Variants in FERMT2 observed in about 807,000 individuals in gnomAD.
FERMT2 encodes fermitin family homolog 2.
A neutral mutation model predicts 82.7 loss-of-function variants in FERMT2; 15 were observed. The observed-to-expected ratio is 0.18, with a 90% CI of 0.12 to 0.28. The LOEUF is 0.28. Among genes scored for constraint, FERMT2 ranks in the 10% least tolerant of loss-of-function variants. FERMT2 has a pLI of 1.00. For synonymous variants in FERMT2, 274 were observed against 271.5 expected, an observed-to-expected ratio of 1.01 and a Z score of -0.09; for missense variants, 645 against 809.4, an observed-to-expected ratio of 0.80 and a Z score of 2.46.
chr14:52,889,139 A>G (rs887642712), intron 4 of FERMT2, among the ~76,000 whole-genome samples: 2 of 152,184 alleles, frequency 1.3e-5, no homozygotes, highest in African/African-American at 4.8e-5. Flanking sequence ...CATGCTACCA[A>G]TTTTTCAGAA....
At chr14:52,942,052 C>CT (rs1299263361) in intron 2 of FERMT2, among the ~76,000 whole-genome samples, 1 of 151,844 alleles carries the variant, frequency 6.6e-6, no homozygotes, top group Non-Finnish European at 1.5e-5. Context: ...CTAAACTAAG[C>CT]TTTTTTTGAG....
intron 3 of FERMT2, among the ~76,000 whole-genome samples, chr14:52,913,285 A>G (rs1888427239): frequency 6.6e-6 from 1 of 152,222 alleles, no homozygotes; most frequent in Non-Finnish European, 1.5e-5. Context: ...TAAATTTCTA[A>G]CATTGCAAAC....
chr14:52,892,048 T>C (rs1886959515), intron 4 of FERMT2, among the ~76,000 whole-genome samples: 1 of 151,770 alleles, frequency 6.6e-6, no homozygotes, highest in East Asian at 1.9e-4. Context: ...CTAATTCAGA[T>C]TGGAAAAGTA....
intron 3 of FERMT2, among the ~76,000 whole-genome samples, chr14:52,897,640 T>G (rs375601687): frequency 3.9e-5 from 6 of 152,056 alleles, no homozygotes; most frequent in African/African-American, 1.4e-4. Flanking sequence ...AATAAGTATG[T>G]GGGTTTTGGT....
At chr14:52,860,578 A>G in intron 12 of FERMT2, 113 bp from the exon 13 acceptor site, 1 of 853,566 alleles carries the variant, frequency 1.2e-6, no homozygotes, top group Non-Finnish European at 1.8e-6. Flanking sequence ...ATCATATTGT[A>G]AGAGTTGAAA....
intron 7 of FERMT2, 31 bp downstream of exon 7, chr14:52,878,551 A>C: frequency 7.5e-7 from 1 of 1,337,624 alleles, no homozygotes; most frequent in African/African-American, 1.4e-5. Flanking sequence ...CTTTACCGGA[A>C]TAAGTCCCAT....
intron 12 of FERMT2, among the ~76,000 whole-genome samples, chr14:52,864,036 A>T (rs543034010): frequency 1.3e-5 from 2 of 152,134 alleles, no homozygotes; most frequent in Non-Finnish European, 2.9e-5. Flanking sequence ...AAACTGACTA[A>T]AGGTTACTTT....
In FERMT2 at chr14:52,858,253, G is replaced by C; in HGVS notation, c.*124C>G. The C allele has an allele frequency of 1.2e-6, 1 of 800,398 alleles. No homozygotes were observed. The highest frequency in any genetic ancestry group is 1.7e-5 in the South Asian group (1 of 57,152). 49.6% of individuals were successfully genotyped at this position (800,398 alleles called of 1,614,324 possible). ...GTGCACATATTAACTGGTCTGGTAAGGCAAAGAAGTTTTCATGATAAAATG... is the reference window on the plus strand; with the variant it reads ...GTGCACATATTAACTGGTCTGGTAACGCAAAGAAGTTTTCATGATAAAATG... On this transcript the variant is annotated 3_prime_UTR_variant, in exon 15 of 15. Coordinates refer to ENST00000341590, the MANE Select transcript of FERMT2 (RefSeq NM_006832.3).
chr14:52,910,529 T>C (rs1413747862), intron 3 of FERMT2, among the ~76,000 whole-genome samples: 1 of 152,180 alleles, frequency 6.6e-6, no homozygotes, highest in Non-Finnish European at 1.5e-5. Flanking sequence ...GACAACAGTC[T>C]TTCTGTCCAA....
intron 2 of FERMT2, among the ~76,000 whole-genome samples, chr14:52,937,678 G>T (rs937292716): frequency 6.6e-6 from 1 of 152,172 alleles, no homozygotes; most frequent in Non-Finnish European, 1.5e-5. Flanking sequence ...GTTTGTTGCT[G>T]CTACTACAGT....
chr14:52,906,082 TTA>T (rs1162719891), intron 3 of FERMT2, among the ~76,000 whole-genome samples: 1 of 152,186 alleles, frequency 6.6e-6, no homozygotes, highest in Non-Finnish European at 1.5e-5. Context: ...GTGCACCAGC[TTA>T]CTGCCTATGG....
At chr14:52,858,591 T>G (rs1161384045) in intron 14 of FERMT2, 41 bp from the exon 15 acceptor site, 3 of 1,597,794 alleles carry the variant, frequency 1.9e-6, no homozygotes, top group East Asian at 4.5e-5. Context: ...TCCCAAATGC[T>G]AGGTGGCTGG....
chr14:52,872,545 A>G (rs1049075264), intron 10 of FERMT2, among the ~76,000 whole-genome samples: 2 of 152,174 alleles, frequency 1.3e-5, no homozygotes, highest in African/African-American at 4.8e-5. Context: ...AAAAACAAAA[A>G]AGAAAAGTTG....
rs1295397224 is a variant in FERMT2 at position 52,872,788 on chromosome 14, GCT to G, written c.1273+9_1273+10del. The G allele has an allele frequency of 6.2e-7, 1 of 1,613,122 alleles. No homozygotes were observed. The highest frequency in any genetic ancestry group is 1.1e-5 in the South Asian group (1 of 90,996). On this transcript the variant is annotated intron_variant, in intron 10 of 14. Coordinates refer to ENST00000341590, the MANE Select transcript of FERMT2 (RefSeq NM_006832.3). ...CCACCATCAACAACAGCCGTGCCAG[GCT>G]CTCCTTACCCCTGAGGTTCATCTGA... is the stretch of plus-strand genomic sequence containing the variant.
At chr14:52,897,678 T>G (rs1887368057) in intron 3 of FERMT2, among the ~76,000 whole-genome samples, 1 of 152,046 alleles carries the variant, frequency 6.6e-6, no homozygotes. Context: ...ATTTCAACGT[T>G]ACTCTTAGAA....
At chr14:52,947,286 C>T (rs556879897) in intron 2 of FERMT2, among the ~76,000 whole-genome samples, 50 of 152,162 alleles carry the variant, frequency 3.3e-4, no homozygotes, top group Admixed American at 1.6e-3. Context: ...AAGACCATCC[C>T]GGTTAACACG....
chr14:52,901,710 T>TA, intron 3 of FERMT2, among the ~76,000 whole-genome samples: 1 of 152,162 alleles, frequency 6.6e-6, no homozygotes, highest in East Asian at 1.9e-4. Flanking sequence ...GAGGGAATCT[T>TA]AGTCTTACAA....
At chr14:52,907,796 A>C (rs1262955313) in intron 3 of FERMT2, among the ~76,000 whole-genome samples, 2 of 152,108 alleles carry the variant, frequency 1.3e-5, no homozygotes, top group African/African-American at 4.8e-5. Context: ...ACCCCACCAA[A>C]AACCCCTTAA....
At chr14:52,932,201 CA>C (rs1889621221) in intron 2 of FERMT2, among the ~76,000 whole-genome samples, 1 of 152,160 alleles carries the variant, frequency 6.6e-6, no homozygotes, top group Non-Finnish European at 1.5e-5. Context: ...AGTGTGATTT[CA>C]GAGGTGGCAC....
Sources: allele counts gnomAD v4.1 joint callset (sites outside exome capture counted in the v4.1 genomes callset), GRCh38; gene constraint gnomAD v4.1.1; transcripts MANE v1.5; gene names NCBI Gene and HGNC (gene_info 2026-07-23, HGNC 2026-07-21).